The following NAXD variants were observed in gnomAD, a reference collection of about 807,000 sequenced individuals.
The protein encoded by NAXD is ATP-dependent (S)-NAD(P)H-hydrate dehydratase.
Under a neutral mutation model 35.8 loss-of-function variants are expected in NAXD, and 22 were observed. The ratio of observed to expected loss-of-function variants is 0.62; its 90% CI spans 0.44 to 0.88. The LOEUF (loss-of-function observed/expected upper bound fraction) is 0.88, where lower values mean the gene tolerates loss of function less well. Ranked by LOEUF, NAXD falls within the 40% of genes least tolerant of loss-of-function variation. NAXD has a pLI of 0.00. For missense variants in NAXD, 428 were observed against 437.7 expected (o/e 0.98, Z 0.20); for synonymous variants, 189 against 177.6 (o/e 1.06, Z -0.51).
At position 110,634,669 on chromosome 13, in the gene NAXD, C is replaced by T; in HGVS notation, c.493-3C>T. ...AGTGAGCACGGCTCCTTGTTCTGTG[C>T]AGGATGGCCTGTGGCTGGTCGCTCA... On this transcript the variant is annotated splice_region_variant and splice_polypyrimidine_tract_variant and intron_variant, in intron 6 of 9. Coordinates refer to ENST00000680254, the MANE Select transcript of NAXD (RefSeq NM_001242882.2). 1 of 1,614,156 alleles carries T rather than the reference C, an allele frequency of 6.2e-7. No individual in the cohort carries two copies. The highest frequency in any genetic ancestry group is 8.5e-7 in the Non-Finnish European group (1 of 1,179,974).
chr13:110,629,485 T>G (rs1373300028), intron 5 of NAXD, among the ~76,000 whole-genome samples: 5 of 152,188 alleles, frequency 3.3e-5, no homozygotes, highest in African/African-American at 1.2e-4. Flanking sequence ...TCTCCCCAGT[T>G]CCTGGCAGCC....
chr13:110,623,622 AC>A (rs760390199), intron 2 of NAXD, among the ~76,000 whole-genome samples: 6 of 152,196 alleles, frequency 3.9e-5, no homozygotes, highest in Non-Finnish European at 8.8e-5. Context: ...TCAGCTCCTT[AC>A]CTTGAACATT....
Position 110,627,525 on chromosome 13 carries a change from A to G in NAXD, c.419A>G (p.Asp140Gly). The change falls in exon 5 of 10, where the codon GAT becomes GGT. Residue 140 changes from aspartate (D) to glycine (G), a missense_variant. Around this residue, in one of 3 missense-constraint regions of NAXD, gnomAD observed 208 missense variants for 193.0 expected, o/e 1.08. Coordinates refer to ENST00000680254, the MANE Select transcript of NAXD (RefSeq NM_001242882.2). The stretch of plus-strand genomic sequence containing the variant: ...GTAGGACCTGGCTTGGGTAGAGATG[A>G]TGCGCTTCTCAGAAATGTCCAGGTA... ...LVVGPGLGRD[D>G]ALLRNVQGIL... 6.2e-7 allele frequency: 1 copy of G among 1,613,538 alleles called. No homozygotes were observed.
At position 110,628,579 on chromosome 13, in the gene NAXD, T is replaced by C. The variant is rs1305322890; in HGVS notation, c.441+1032T>C. On this transcript the variant is annotated intron_variant, in intron 5 of 9. Coordinates refer to ENST00000680254, the MANE Select transcript of NAXD (RefSeq NM_001242882.2). The surrounding 1 kb of genome is among the most constrained non-coding windows in gnomAD (Gnocchi z 4.1). ...GAGTGATGGAGCCAGCAGTGCAGGA[T>C]GAGTCATCTGAGGGGCAGGCAGACG... is the stretch of plus-strand genomic sequence containing the variant. Among the ~76,000 whole-genome samples, 1 of 151,864 alleles carries C rather than the reference T, an allele frequency of 6.6e-6. No individual in the cohort carries two copies. Among genetic ancestry groups the C allele is most frequent in the Non-Finnish European group, 1.5e-5 (1 of 67,978 alleles).
At chr13:110,616,040 G>T (rs374969186) in intron 1 of NAXD, 71 of 377,314 alleles carry the variant, frequency 1.9e-4, no homozygotes, top group East Asian at 1.3e-3. Context: ...CGGGGAACGG[G>T]GGGCCGAGGG....
intron 4 of NAXD, 31 bp from the exon 5 acceptor site, chr13:110,627,408 T>A (rs1286052248): frequency 6.9e-7 from 1 of 1,449,900 alleles, no homozygotes; most frequent in South Asian, 1.2e-5. Flanking sequence ...GAATTGTGGG[T>A]AACCATCCTG....
At position 110,634,840 on chromosome 13, in the gene NAXD, C is replaced by T. The variant is rs1391236468; in HGVS notation, c.597+64C>T. The stretch of plus-strand genomic sequence containing the variant: ...TGTTCGTCCTGAAGAGGGTGAAGGA[C>T]GAGCTCCATGCTTCTGCCCAGCCTG... On this transcript the variant is annotated intron_variant, in intron 7 of 9. Transcript: ENST00000680254. 63 of 1,233,254 alleles carry T rather than the reference C, an allele frequency of 5.1e-5. No individual in the cohort carries two copies. The South Asian group carries it at 6.1e-4, about 12-fold the overall frequency. 76.4% of individuals were successfully genotyped at this position (1,233,254 alleles called of 1,614,324 possible). A position where few individuals can be genotyped will look rare whatever the true frequency, so the allele number is the denominator to read the frequency against.
chr13:110,624,002 CAA>C (rs58510281), intron 2 of NAXD, among the ~76,000 whole-genome samples: 5,917 of 103,122 alleles, frequency 0.057, 231 homozygotes, highest in African/African-American at 0.14. Flanking sequence ...AACTCTGTCT[CAA>C]AAAAAAAAAA....
intron 1 of NAXD, among the ~76,000 whole-genome samples, chr13:110,620,397 T>C (rs1886215777): frequency 6.6e-6 from 1 of 151,722 alleles, no homozygotes; most frequent in South Asian, 2.1e-4. Flanking sequence ...CTGGCCAACA[T>C]GGTGAAACCC....
chr13:110,635,444 C>T, intron 7 of NAXD, 24 bp from the exon 8 acceptor site: 1 of 1,607,936 alleles, frequency 6.2e-7, no homozygotes, highest in South Asian at 1.1e-5. Flanking sequence ...TTTGCTTTTT[C>T]TCTGTCTTCC....
intron 1 of NAXD, among the ~76,000 whole-genome samples, chr13:110,616,545 G>A (rs1886064002): frequency 2.6e-5 from 4 of 152,258 alleles, no homozygotes; most frequent in Admixed American, 6.5e-5. Flanking sequence ...TGCACGCTGA[G>A]ATGCCTTTTC....
In NAXD at chr13:110,634,606, T is replaced by G; in HGVS notation, c.492+11T>G. 6.2e-7 allele frequency: 1 copy of G among 1,614,212 alleles called. No homozygotes were observed. The highest frequency in any genetic ancestry group is 8.5e-7 in the Non-Finnish European group (1 of 1,180,018). ...GTTGTCATCGACGCGGTGAGTTGAC[T>G]TCTCTCCTCCTGGCTCGGACTCCCG... On this transcript the variant is annotated intron_variant, in intron 6 of 9. Transcript: ENST00000680254.
chr13:110,635,120 C>T lies in NAXD; in HGVS notation c.597+344C>T, dbSNP rs3742197. ...TGAGATGAGGAAACCTATGTAAAGC[C>T]GTGAGTCCCCACATGGTAAGTGTCC... On this transcript the variant is annotated intron_variant, in intron 7 of 9. Coordinates refer to ENST00000680254, the MANE Select transcript of NAXD (RefSeq NM_001242882.2). 1.2e-3 allele frequency among the ~76,000 whole-genome samples: 188 copies of T among 152,262 alleles called. 5 individuals carry two copies. In the East Asian group the frequency reaches 0.034, roughly 27 times the overall value.
chr13:110,634,565 G>A lies in NAXD; in HGVS notation c.462G>A (p.Lys154=), dbSNP rs761828782. 6.2e-7 allele frequency: 1 copy of A among 1,614,114 alleles called. No homozygotes were observed. Among genetic ancestry groups the A allele is most frequent in the African/African-American group, 1.3e-5 (1 of 74,930 alleles). ...RNVQGILEVS[K]ARDIPVVIDA... is the part of the protein sequence containing the mutation. ...GGCAGGGCATTTTGGAAGTGTCAAA[G>A]GCCAGGGACATCCCTGTTGTCATCG... is the stretch of plus-strand genomic sequence containing the variant. Residue 154 remains lysine (K), a synonymous_variant, in exon 6 of 10, where the codon AAG becomes AAA. Coordinates refer to ENST00000680254, the MANE Select transcript of NAXD (RefSeq NM_001242882.2).
rs776527865 is a variant in NAXD at position 110,615,734 on chromosome 13, C to G, written c.46+87C>G. The G allele has an allele frequency of 3.3e-6, 5 of 1,494,102 alleles. No individual in the cohort carries two copies. The highest frequency in any genetic ancestry group is 1.7e-4 in the Middle Eastern group (1 of 5,724). The allele number at this position is 1,494,102 out of a possible 1,614,324, so 92.6% of individuals were successfully genotyped here. ...CCGGCGCGGTCGTTGTCGCATTGCT[C>G]TCGGCCGCACTCGCGCTGTACGGGC... On this transcript the variant is annotated intron_variant, in intron 1 of 9. Transcript: ENST00000680254.
intron 1 of NAXD, among the ~76,000 whole-genome samples, chr13:110,618,923 G>A (rs330543): frequency 0.24 from 35,936 of 152,144 alleles, 5,513 homozygotes; most frequent in African/African-American, 0.44. Context: ...TTCCGCTCTG[G>A]GGAGCAGATG....
intron 5 of NAXD, among the ~76,000 whole-genome samples, chr13:110,631,229 A>G (rs1370847949): frequency 1.3e-5 from 2 of 152,130 alleles, no homozygotes; most frequent in African/African-American, 2.4e-5. Context: ...AGACTTTTTC[A>G]TGGAAGGATA....
intron 5 of NAXD, among the ~76,000 whole-genome samples, chr13:110,630,524 C>G (rs981070696): frequency 8.5e-5 from 13 of 152,294 alleles, no homozygotes; most frequent in African/African-American, 3.1e-4. Context: ...TTGTTTACAG[C>G]ACAGTTTTTA....
At chr13:110,620,115 T>C (rs1406342001) in intron 1 of NAXD, among the ~76,000 whole-genome samples, 1 of 152,022 alleles carries the variant, frequency 6.6e-6, no homozygotes, top group Non-Finnish European at 1.5e-5. Context: ...ATGTCTCTTC[T>C]AGACAAGTGT....
Sources: allele counts gnomAD v4.1 joint callset (sites outside exome capture counted in the v4.1 genomes callset), GRCh38; gene constraint gnomAD v4.1.1; regional missense constraint gnomAD v4.1.1; non-coding constraint Gnocchi (gnomAD v3.1); transcripts MANE v1.5; gene names NCBI Gene and HGNC (gene_info 2026-07-23, HGNC 2026-07-21).